The following MAGI1 variants were observed in gnomAD, a reference collection of about 807,000 sequenced individuals.
MAGI1 encodes the protein membrane associated guanylate kinase, WW and PDZ domain containing 1, also known as membrane-associated guanylate kinase, WW and PDZ domain-containing protein 1.
A neutral mutation model predicts 139.9 loss-of-function variants in MAGI1; 58 were observed. The observed-to-expected ratio is 0.41, with a 90% CI of 0.34 to 0.52. MAGI1 has a LOEUF of 0.52. Among genes scored for constraint, MAGI1 ranks in the 20% least tolerant of loss-of-function variants. The probability of loss-of-function intolerance (pLI) is 0.12; values close to 1 mark genes in which losing one functional copy is unlikely to be tolerated. For synonymous variants in MAGI1, 812 were observed against 737.9 expected (o/e 1.10, Z -1.63); for missense variants, 1,874 against 1,901.6 (o/e 0.99, Z 0.27).
intron 1 of MAGI1, among the ~76,000 whole-genome samples, chr3:65,772,607 T>A (rs895248873): frequency 6.6e-6 from 1 of 152,134 alleles, no homozygotes; most frequent in Admixed American, 6.6e-5. Flanking sequence ...GGAGAACACT[T>A]CGTGAGAGTG....
chr3:65,859,905 T>C (rs1041940287), intron 1 of MAGI1, among the ~76,000 whole-genome samples: 2 of 120,292 alleles, frequency 1.7e-5, no homozygotes, highest in African/African-American at 5.8e-5. Flanking sequence ...TTTTTGTTTT[T>C]GTTTTTTTTT....
chr3:65,959,609 T>C (rs948309655), intron 1 of MAGI1, among the ~76,000 whole-genome samples: 11 of 134,332 alleles, frequency 8.2e-5, no homozygotes, highest in South Asian at 4.7e-4. Flanking sequence ...TTTTTATTAT[T>C]ATTATTATTA....
At chr3:65,848,548 C>A (rs1034458938) in intron 1 of MAGI1, among the ~76,000 whole-genome samples, 5 of 151,296 alleles carry the variant, frequency 3.3e-5, no homozygotes. Flanking sequence ...AAAACAACTG[C>A]TCTCTTAAGT....
intron 2 of MAGI1, among the ~76,000 whole-genome samples, chr3:65,612,605 T>A (rs1241473429): frequency 6.6e-6 from 1 of 152,148 alleles, no homozygotes; most frequent in Non-Finnish European, 1.5e-5. Context: ...GGGCAGCTCA[T>A]TCCCCAACAC....
chr3:65,417,304 C>T (rs1170228516), intron 12 of MAGI1, among the ~76,000 whole-genome samples: 7 of 151,998 alleles, frequency 4.6e-5, no homozygotes, highest in Non-Finnish European at 8.8e-5. Flanking sequence ...GCACATCCTG[C>T]ACATGTACCC....
chr3:66,010,966 T>C (rs1413538917), intron 1 of MAGI1, among the ~76,000 whole-genome samples: 1 of 152,172 alleles, frequency 6.6e-6, no homozygotes, highest in Non-Finnish European at 1.5e-5. Context: ...GGAAGCCAAG[T>C]GTTACCTGTG....
intron 1 of MAGI1, among the ~76,000 whole-genome samples, chr3:65,744,952 T>TC (rs2035578694): frequency 6.6e-6 from 1 of 151,984 alleles, no homozygotes; most frequent in African/African-American, 2.4e-5. Flanking sequence ...GGCAATAAAT[T>TC]CCCCATTCTG....
At chr3:65,756,279 T>C (rs913033921) in intron 1 of MAGI1, among the ~76,000 whole-genome samples, 1 of 151,660 alleles carries the variant, frequency 6.6e-6, no homozygotes. Flanking sequence ...ATTGTGTGCA[T>C]TTTTACACAG....
At chr3:65,376,046 TA>T in intron 17 of MAGI1, 101 bp from the exon 18 acceptor site, 1 of 835,778 alleles carries the variant, frequency 1.2e-6, no homozygotes, top group East Asian at 2.7e-5. Context: ...TAAGTGTTAA[TA>T]AATTAAAGCA....
intron 2 of MAGI1, among the ~76,000 whole-genome samples, chr3:65,589,387 C>T (rs1179788203): frequency 6.6e-6 from 1 of 152,136 alleles, no homozygotes; most frequent in African/African-American, 2.4e-5. Context: ...TACTAAGTCA[C>T]CCTTCCTAGG....
chr3:65,384,457 AG>A (rs1366223616), intron 14 of MAGI1, among the ~76,000 whole-genome samples: 2 of 152,154 alleles, frequency 1.3e-5, no homozygotes, highest in Non-Finnish European at 2.9e-5. Flanking sequence ...AGTATATAGG[AG>A]GTGGGGTGCA....
intron 1 of MAGI1, among the ~76,000 whole-genome samples, chr3:65,951,166 CCATT>C (rs1188007080): frequency 6.6e-6 from 1 of 152,158 alleles, no homozygotes; most frequent in African/African-American, 2.4e-5. Flanking sequence ...TTCAAAGCAT[CCATT>C]CAATCACTGT....
chr3:65,517,638 G>A (rs1421514317), intron 2 of MAGI1, among the ~76,000 whole-genome samples: 1 of 152,194 alleles, frequency 6.6e-6, no homozygotes, highest in Non-Finnish European at 1.5e-5. Context: ...GGCAGCATAA[G>A]TTGGTTCCAG....
chr3:65,842,810 G>A (rs2058852801), intron 1 of MAGI1, among the ~76,000 whole-genome samples: 1 of 152,148 alleles, frequency 6.6e-6, no homozygotes, highest in African/African-American at 2.4e-5. Flanking sequence ...GTGAAGTCAT[G>A]GTGACCTACT....
chr3:65,443,073 TA>T (rs1471668671), intron 7 of MAGI1, among the ~76,000 whole-genome samples: 1 of 151,932 alleles, frequency 6.6e-6, no homozygotes, highest in Non-Finnish European at 1.5e-5. Context: ...TGCAAGAAAA[TA>T]AAACTTAACA....
At chr3:65,490,829 G>A (rs1476722686) in intron 3 of MAGI1, among the ~76,000 whole-genome samples, 1 of 111,622 alleles carries the variant, frequency 9.0e-6, no homozygotes, top group Non-Finnish European at 1.7e-5. Flanking sequence ...GGGCGACAGA[G>A]CGAGACTCTG....
At chr3:65,494,838 C>A (rs1394089342) in intron 2 of MAGI1, among the ~76,000 whole-genome samples, 3 of 152,252 alleles carry the variant, frequency 2.0e-5, no homozygotes, top group Admixed American at 6.5e-5. Flanking sequence ...AAACACTCAA[C>A]ACTTAGTACA....
At chr3:65,467,785 C>T (rs928990521) in intron 5 of MAGI1, among the ~76,000 whole-genome samples, 7 of 152,220 alleles carry the variant, frequency 4.6e-5, no homozygotes, top group Non-Finnish European at 4.4e-5. Flanking sequence ...ACCAGGAACA[C>T]CTATTATCCT....
intron 1 of MAGI1, among the ~76,000 whole-genome samples, chr3:65,656,085 T>TA (rs1359713543): frequency 6.6e-6 from 1 of 152,114 alleles, no homozygotes; most frequent in Non-Finnish European, 1.5e-5. Context: ...TTCAGTTTCC[T>TA]AATAAAAATA....
Sources: gnomAD v4.1 joint callset for allele counts (sites outside exome capture counted in the v4.1 genomes callset) on GRCh38, gnomAD v4.1.1 for gene constraint, MANE v1.5 for transcripts, NCBI Gene and HGNC (gene_info 2026-07-23, HGNC 2026-07-21) for gene names.